Variants in KCNAB1 observed in about 807,000 individuals in gnomAD.
KCNAB1 encodes the protein voltage-gated potassium channel subunit beta-1.
Under a neutral mutation model 64.6 loss-of-function variants are expected in KCNAB1, and 35 were observed. That is an observed-to-expected ratio of 0.54 (90% CI 0.41 to 0.72). The LOEUF (loss-of-function observed/expected upper bound fraction) is 0.72. Ranked by LOEUF, KCNAB1 falls within the 30% of genes least tolerant of loss-of-function variation. The pLI, the probability that KCNAB1 is intolerant of heterozygous loss-of-function variation, is 0.00. For synonymous variants in KCNAB1, 177 were observed against 183.8 expected (o/e 0.96, Z 0.30); for missense variants, 401 against 512.9 (o/e 0.78, Z 2.11).
intron 1 of KCNAB1, among the ~76,000 whole-genome samples, chr3:156,241,284 C>T (rs1717148322): frequency 6.6e-6 from 1 of 152,200 alleles, no homozygotes; most frequent in African/African-American, 2.4e-5. Flanking sequence ...ATACTTATTG[C>T]AAATCTTCCC....
chr3:156,156,057 C>G (rs1328493467), intron 1 of KCNAB1, among the ~76,000 whole-genome samples: 3 of 152,126 alleles, frequency 2.0e-5, no homozygotes, highest in Non-Finnish European at 4.4e-5. Flanking sequence ...ACCTTAGTCT[C>G]TGGCCCCTCT....
chr3:156,157,783 G>T (rs1254680824), intron 1 of KCNAB1, among the ~76,000 whole-genome samples: 1 of 152,012 alleles, frequency 6.6e-6, no homozygotes, highest in Non-Finnish European at 1.5e-5. Context: ...ACAACAAAAA[G>T]AACAGGATGA....
chr3:156,369,623 C>G (rs532524647), intron 1 of KCNAB1, among the ~76,000 whole-genome samples: 1 of 152,200 alleles, frequency 6.6e-6, no homozygotes, highest in Non-Finnish European at 1.5e-5. Context: ...CTCACCAAAC[C>G]TCACATACCA....
At chr3:156,264,864 T>G (rs1340035025) in intron 1 of KCNAB1, among the ~76,000 whole-genome samples, 1 of 152,238 alleles carries the variant, frequency 6.6e-6, no homozygotes, top group Non-Finnish European at 1.5e-5. Context: ...TTTTCAGAGT[T>G]ATCTTTCCAT....
chr3:156,237,668 T>G (rs1046433388), intron 1 of KCNAB1, among the ~76,000 whole-genome samples: 1 of 152,216 alleles, frequency 6.6e-6, no homozygotes, highest in African/African-American at 2.4e-5. Flanking sequence ...CCTGAAATGC[T>G]TTACCTACCT....
rs551982770 is a variant in KCNAB1 at position 156,411,110 on chromosome 3, T to C, written c.276-10506T>C. Among the ~76,000 whole-genome samples the C allele has an allele frequency of 6.4e-4, 97 of 152,306 alleles. 1 individual carries two copies. The South Asian group carries it at 0.019, about 30-fold the overall frequency. ...GCTCTGTATCTTTGCCAGTACTTAG[T>C]ATGTTTGTTTGTTATCTTACACTTT... On this transcript the variant is annotated intron_variant, in intron 1 of 13. Transcript: ENST00000490337.
chr3:156,493,759 A>T (rs1297601319), intron 8 of KCNAB1, among the ~76,000 whole-genome samples: 1 of 152,066 alleles, frequency 6.6e-6, no homozygotes, highest in African/African-American at 2.4e-5. Context: ...AAGACTATCG[A>T]CTACTTTGTA....
intron 1 of KCNAB1, among the ~76,000 whole-genome samples, chr3:156,137,886 C>T (rs1714458222): frequency 6.6e-6 from 1 of 151,972 alleles, no homozygotes; most frequent in Non-Finnish European, 1.5e-5. Flanking sequence ...GAACTCCCTC[C>T]ACTCCTCCCA....
At chr3:156,470,795 G>T (rs1399646025) in intron 7 of KCNAB1, among the ~76,000 whole-genome samples, 2 of 152,142 alleles carry the variant, frequency 1.3e-5, no homozygotes, top group African/African-American at 4.8e-5. Flanking sequence ...AAAAGAAAAA[G>T]ACAATCTATG....
intron 1 of KCNAB1, among the ~76,000 whole-genome samples, chr3:156,158,131 C>G (rs2108304352): frequency 6.8e-6 from 1 of 146,230 alleles, no homozygotes; most frequent in African/African-American, 2.5e-5. Flanking sequence ...CGCCACTGCA[C>G]TCCAGCCTGG....
chr3:156,508,301 T>C lies in KCNAB1; in HGVS notation c.659-6063T>C, dbSNP rs1184058589. 6.6e-6 allele frequency among the ~76,000 whole-genome samples: 1 copy of C among 152,178 alleles called. No homozygotes were observed. Among genetic ancestry groups the C allele is most frequent in the African/African-American group, 2.4e-5 (1 of 41,442 alleles). Reference sequence around the variant, plus strand: ...GAGTACATTTTATCTGATCAAAACATTAATTTCTAATAAGCATATTTTTAT... The same window carrying C: ...GAGTACATTTTATCTGATCAAAACACTAATTTCTAATAAGCATATTTTTAT... On this transcript the variant is annotated intron_variant, in intron 8 of 13. Coordinates refer to ENST00000490337, the MANE Select transcript of KCNAB1 (RefSeq NM_172160.3). The surrounding 1 kb of genome is among the most constrained non-coding windows in gnomAD (Gnocchi z 4.1).
intron 1 of KCNAB1, among the ~76,000 whole-genome samples, chr3:156,303,341 A>C (rs1402980035): frequency 2.0e-5 from 3 of 152,234 alleles, no homozygotes; most frequent in Non-Finnish European, 2.9e-5. Flanking sequence ...GTTACAAATC[A>C]AAGTGAGTTA....
chr3:156,441,922 T>C (rs1219056526), intron 2 of KCNAB1, among the ~76,000 whole-genome samples: 1 of 152,214 alleles, frequency 6.6e-6, no homozygotes, highest in East Asian at 1.9e-4. Flanking sequence ...GTAGAAACTC[T>C]TGCTCATGAA....
rs1726074250 is a variant in KCNAB1, at chr3:156,368,273, AG to A, written c.276-53341del. ...ATCTGGCAAACCTGGGAGGGCTGGG[AG>A]GTGGCATTCTGAGTAGGGAGCAGTT... is the stretch of plus-strand genomic sequence containing the variant. On this transcript the variant is annotated intron_variant, in intron 1 of 13. Coordinates refer to ENST00000490337, the MANE Select transcript of KCNAB1 (RefSeq NM_172160.3). 1.3e-5 allele frequency among the ~76,000 whole-genome samples: 2 copies of A among 152,182 alleles called. 1 individual carries two copies. The highest frequency in any genetic ancestry group is 4.1e-4 in the South Asian group (2 of 4,824).
At chr3:156,305,571 C>T (rs1721441459) in intron 1 of KCNAB1, among the ~76,000 whole-genome samples, 1 of 152,202 alleles carries the variant, frequency 6.6e-6, no homozygotes, top group South Asian at 2.1e-4. Context: ...ACCTTGGTTA[C>T]TGAATAGCCT....
chr3:156,516,410 GGAA>G (rs752784328), intron 11 of KCNAB1, 46 bp downstream of exon 11: 2 of 1,369,148 alleles, frequency 1.5e-6, no homozygotes, highest in Admixed American at 3.4e-5. Context: ...TAGGAAGGAG[GGAA>G]GAAGGTTGGT....
At chr3:156,328,759 C>T (rs1171845921) in intron 1 of KCNAB1, among the ~76,000 whole-genome samples, 2 of 152,114 alleles carry the variant, frequency 1.3e-5, no homozygotes, top group Admixed American at 1.3e-4. Flanking sequence ...AAGCATTGCA[C>T]AGAAGCATTA....
At chr3:156,436,529 A>G (rs1716595484) in intron 2 of KCNAB1, among the ~76,000 whole-genome samples, 1 of 152,208 alleles carries the variant, frequency 6.6e-6, no homozygotes, top group Admixed American at 6.5e-5. Flanking sequence ...TTGCATTCCC[A>G]CCAACAGTGT....
chr3:156,143,569 G>GTTTTTTTTTTTTTTTTTTTTTTTTT (rs56216211), intron 1 of KCNAB1: 9 of 281,594 alleles, frequency 3.2e-5, no homozygotes, highest in African/African-American at 2.4e-4. Flanking sequence ...TTGCATTCTT[G>GTTTTTTTTTTTTTTTTTTTTTTTTT]TTTTTTTTTT....
Sources: gnomAD v4.1 joint callset for allele counts (sites outside exome capture counted in the v4.1 genomes callset) on GRCh38, gnomAD v4.1.1 for gene constraint, Gnocchi (gnomAD v3.1) non-coding constraint, MANE v1.5 for transcripts, NCBI Gene and HGNC (gene_info 2026-07-23, HGNC 2026-07-21) for gene names.